SUGCT: variants seen among roughly 807,000 people sequenced by gnomAD.
SUGCT encodes succinyl-CoA:glutarate-CoA transferase, also known as succinyl-CoA:glutarate CoA-transferase.
Under a neutral mutation model 55.0 loss-of-function variants are expected in SUGCT, and 41 were observed. The observed-to-expected ratio is 0.74, with a 90% CI of 0.58 to 0.97. The LOEUF is 0.97. Ranked by LOEUF, SUGCT falls within the 50% of genes least tolerant of loss-of-function variation. The pLI, the probability that SUGCT is intolerant of heterozygous loss-of-function variation, is 0.00. For synonymous variants in SUGCT, 187 were observed against 200.4 expected (o/e 0.93, Z 0.56); for missense variants, 568 against 547.8 (o/e 1.04, Z -0.37).
the SUGCT span, among the ~76,000 whole-genome samples, chr7:40,868,927 T>C: frequency 6.6e-6 from 1 of 152,246 alleles, no homozygotes; most frequent in African/African-American, 2.4e-5. Flanking sequence ...AAATAGTACA[T>C]AGAATTCCCA....
chr7:40,432,140 T>A (rs975019865), intron 9 of SUGCT, among the ~76,000 whole-genome samples: 2 of 152,184 alleles, frequency 1.3e-5, no homozygotes, highest in African/African-American at 2.4e-5. Context: ...TCCCAATTGA[T>A]TATAATTTTA....
chr7:40,359,609 C>A (rs186852705), intron 9 of SUGCT, among the ~76,000 whole-genome samples: 1 of 152,150 alleles, frequency 6.6e-6, no homozygotes, highest in African/African-American at 2.4e-5. Context: ...AGAGAAACAC[C>A]CACCCAAAGG....
At chr7:40,411,866 A>G (rs889462607) in intron 9 of SUGCT, among the ~76,000 whole-genome samples, 4 of 152,298 alleles carry the variant, frequency 2.6e-5, no homozygotes, top group East Asian at 1.9e-4. Context: ...GAACGTATCA[A>G]ATTTACATAT....
chr7:40,771,909 T>C (rs1283863154), intron 13 of SUGCT, among the ~76,000 whole-genome samples: 2 of 152,194 alleles, frequency 1.3e-5, no homozygotes, highest in East Asian at 3.9e-4. Context: ...GAATTACTCC[T>C]TTATATTTTC....
intron 12 of SUGCT, among the ~76,000 whole-genome samples, chr7:40,655,934 A>G (rs1460872971): frequency 6.6e-6 from 1 of 152,188 alleles, no homozygotes; most frequent in Non-Finnish European, 1.5e-5. Flanking sequence ...TTTGCCAAAA[A>G]CATATTGCCT....
At chr7:40,234,392 T>C (rs554773680) in intron 6 of SUGCT, among the ~76,000 whole-genome samples, 22 of 152,332 alleles carry the variant, frequency 1.4e-4, no homozygotes, top group African/African-American at 5.3e-4. Context: ...CAGGGTGCCC[T>C]CTACAGCAGC....
At chr7:40,872,105 G>T in the SUGCT span, among the ~76,000 whole-genome samples, 3 of 152,128 alleles carry the variant, frequency 2.0e-5, no homozygotes, top group Non-Finnish European at 4.4e-5. Flanking sequence ...ATCCAGCAAT[G>T]CACAGCACAG....
chr7:40,955,417 T>C, the SUGCT span, among the ~76,000 whole-genome samples: 5 of 152,214 alleles, frequency 3.3e-5, no homozygotes, highest in Non-Finnish European at 7.3e-5. Flanking sequence ...AATTCACTCA[T>C]GATTTGGCTC....
At chr7:40,778,458 A>T (rs953867981) in intron 13 of SUGCT, among the ~76,000 whole-genome samples, 1 of 152,124 alleles carries the variant, frequency 6.6e-6, no homozygotes. Context: ...CTACCCATTT[A>T]TTTTTTTCCT....
At chr7:40,267,963 G>A (rs1463777078) in intron 7 of SUGCT, among the ~76,000 whole-genome samples, 1 of 152,042 alleles carries the variant, frequency 6.6e-6, no homozygotes, top group East Asian at 1.9e-4. Context: ...TAAAACAATA[G>A]CCTTGAATGA....
the SUGCT span, among the ~76,000 whole-genome samples, chr7:40,885,551 C>T: frequency 6.6e-6 from 1 of 152,034 alleles, no homozygotes; most frequent in Admixed American, 6.6e-5. Flanking sequence ...GTTTTTCATG[C>T]CATCAGACTG....
chr7:40,805,206 C>T (rs1431581688), intron 13 of SUGCT, among the ~76,000 whole-genome samples: 1 of 152,112 alleles, frequency 6.6e-6, no homozygotes, highest in Non-Finnish European at 1.5e-5. Context: ...GGCATTGTCT[C>T]TAAAGGCACA....
intron 9 of SUGCT, among the ~76,000 whole-genome samples, chr7:40,398,154 C>T (rs777256974): frequency 7.2e-5 from 11 of 152,244 alleles, no homozygotes; most frequent in African/African-American, 2.4e-4. Context: ...TGCAGTGGCA[C>T]GATCTCAGCA....
intron 10 of SUGCT, among the ~76,000 whole-genome samples, chr7:40,452,968 C>G (rs1789272133): frequency 6.6e-6 from 1 of 152,196 alleles, no homozygotes; most frequent in African/African-American, 2.4e-5. Flanking sequence ...TGGCAGTCAA[C>G]TTAACCAGCT....
At chr7:40,858,429 A>AAAAG in intron 13 of SUGCT, among the ~76,000 whole-genome samples, 1 of 149,496 alleles carries the variant, frequency 6.7e-6, no homozygotes, top group Admixed American at 6.7e-5. Flanking sequence ...AAAAAAAAAA[A>AAAAG]GAAAAGAAAT....
chr7:40,478,178 T>A (rs1297472027), intron 11 of SUGCT, among the ~76,000 whole-genome samples: 1 of 151,698 alleles, frequency 6.6e-6, no homozygotes, highest in African/African-American at 2.4e-5. Flanking sequence ...ATTTTTTAAA[T>A]TTTTTTTTCC....
chr7:40,626,696 G>C (rs1799543263), intron 12 of SUGCT, among the ~76,000 whole-genome samples: 1 of 152,124 alleles, frequency 6.6e-6, no homozygotes, highest in African/African-American at 2.4e-5. Flanking sequence ...ATGGGGAATG[G>C]GTTCTTGGGG....
At chr7:40,414,633 G>T (rs371894070) in intron 9 of SUGCT, among the ~76,000 whole-genome samples, 1 of 152,098 alleles carries the variant, frequency 6.6e-6, no homozygotes, top group Non-Finnish European at 1.5e-5. Context: ...TTGGCTGGGC[G>T]TGGTGGTTCA....
At chr7:40,276,024 A>T (rs1052598210) in intron 8 of SUGCT, among the ~76,000 whole-genome samples, 1 of 152,220 alleles carries the variant, frequency 6.6e-6, no homozygotes, top group East Asian at 1.9e-4. Context: ...AAAGGCATAC[A>T]TGGGAAAATA....
Sources: allele counts gnomAD v4.1 joint callset (sites outside exome capture counted in the v4.1 genomes callset), GRCh38; gene constraint gnomAD v4.1.1; transcripts MANE v1.5; gene names NCBI Gene and HGNC (gene_info 2026-07-23, HGNC 2026-07-21).